ARL2BP: variants seen among roughly 807,000 people sequenced by gnomAD.
ARL2BP encodes the protein ADP-ribosylation factor-like protein 2-binding protein.
In ARL2BP, 19 loss-of-function variants were observed where a neutral mutation model predicts 24.2. The observed-to-expected ratio is 0.79, with a 90% CI of 0.55 to 1.15. ARL2BP has a LOEUF of 1.15. Among genes scored for constraint, ARL2BP ranks in the 50% most tolerant of loss-of-function variants. ARL2BP has a pLI of 0.00. For missense variants in ARL2BP, 160 were observed against 190.4 expected, an observed-to-expected ratio of 0.84 and a Z score of 0.94; for synonymous variants, 56 against 70.5, an observed-to-expected ratio of 0.79 and a Z score of 1.03.
Position 57,248,626 on chromosome 16 carries a change from C to A in ARL2BP, c.190C>A (p.Pro64Thr), listed in dbSNP as rs2075398122. Residue 64 changes from proline (P) to threonine (T), a missense_variant, in exon 3 of 6, where the codon CCT becomes ACT. By Grantham distance (38) the Pro-to-Thr change is conservative. Transcript: ENST00000219204. Reference sequence around the variant, plus strand: ...AGAAGAGAATAAACTCATCTACACACCTATTTTTAATGAATACGTAAGTAG... The same window carrying A: ...AGAAGAGAATAAACTCATCTACACAACTATTTTTAATGAATACGTAAGTAG... ...DTEENKLIYT[P>T]IFNEYISLVE... 6.3e-7 allele frequency: 1 copy of A among 1,583,348 alleles called. No homozygotes were observed. Among genetic ancestry groups the A allele is most frequent in the Non-Finnish European group, 8.6e-7 (1 of 1,162,596 alleles).
Position 57,252,310 on chromosome 16 carries a change from C to T in ARL2BP, c.*43C>T, listed in dbSNP as rs377480531. On this transcript the variant is annotated 3_prime_UTR_variant, in exon 6 of 6. Transcript: ENST00000219204. The stretch of plus-strand genomic sequence containing the variant: ...TGAATGGGATCATTCTGGATGTCAC[C>T]AGCCCAATAGGCTCAGCTCATGATG... 1.2e-6 allele frequency: 2 copies of T among 1,614,026 alleles called. No individual in the cohort carries two copies. The highest frequency in any genetic ancestry group is 1.1e-5 in the South Asian group (1 of 91,076).
At chr16:57,250,734 G>A (rs908808901) in intron 5 of ARL2BP, 53 of 535,388 alleles carry the variant, frequency 9.9e-5, no homozygotes, top group Admixed American at 4.3e-4. Flanking sequence ...GGACAAAACC[G>A]AAAAAGCAGG....
intron 1 of ARL2BP, chr16:57,245,787 C>G (rs2075388521): frequency 2.0e-6 from 1 of 504,832 alleles, no homozygotes; most frequent in Non-Finnish European, 3.5e-6. Flanking sequence ...TCGCCCGTGC[C>G]GGGTTCATGC....
chr16:57,247,546 C>T (rs1329411389), intron 2 of ARL2BP: 1 of 152,036 alleles, frequency 6.6e-6, no homozygotes, highest in African/African-American at 2.4e-5. Context: ...TTCCCTATTC[C>T]CTATCATTTA....
In ARL2BP at chr16:57,250,608, C is replaced by T. The variant is rs2075404449; in HGVS notation, c.390+101C>T. 3 of 913,474 alleles carry T rather than the reference C, an allele frequency of 3.3e-6. No homozygotes were observed. In the South Asian group the frequency reaches 4.3e-5, roughly 13 times the overall value. 56.6% of individuals were successfully genotyped at this position (913,474 alleles called of 1,614,324 possible). A position where few individuals can be genotyped will look rare whatever the true frequency, so the allele number is the denominator to read the frequency against. On this transcript the variant is annotated intron_variant, in intron 5 of 5. Transcript: ENST00000219204. ...CTCCCACGCTTCCCCCATCATTCTCCCTTCAAACTGGCCGATGAGGCATCA... is the reference window on the plus strand; with the variant it reads ...CTCCCACGCTTCCCCCATCATTCTCTCTTCAAACTGGCCGATGAGGCATCA...
rs2075386215 is a variant in ARL2BP at position 57,245,290 on chromosome 16, C to T, written c.-78C>T. 1.3e-6 allele frequency: 2 copies of T among 1,548,650 alleles called. No individual in the cohort carries two copies. Among genetic ancestry groups the T allele is most frequent in the South Asian group, 1.2e-5 (1 of 84,596 alleles). On this transcript the variant is annotated 5_prime_UTR_variant, in exon 1 of 6. Coordinates refer to ENST00000219204, the MANE Select transcript of ARL2BP (RefSeq NM_012106.4). ...CTGGCCGCGGCCTTGGCTGAGAGGC[C>T]TTAACCCCGCCGGGCGGCCGCGCCC...
Position 57,252,288 on chromosome 16 carries a change from A to T in ARL2BP, c.*21A>T, listed in dbSNP as rs1206404326. On this transcript the variant is annotated 3_prime_UTR_variant, in exon 6 of 6. Transcript: ENST00000219204. ...ACTAGGTCCTACCTCCAGCCAATGA[A>T]TGGGATCATTCTGGATGTCACCAGC... is the stretch of plus-strand genomic sequence containing the variant. The T allele has an allele frequency of 1.2e-6, 2 of 1,614,206 alleles. No individual in the cohort carries two copies. Among genetic ancestry groups the T allele is most frequent in the Non-Finnish European group, 1.7e-6 (2 of 1,180,030 alleles).
chr16:57,252,169 A>C lies in ARL2BP; in HGVS notation c.394A>C (p.Lys132Gln). ...KEMFLDYRAE[K>Q]EGRGLDLSSG... ...CTTTGGTTGTTTTCTCATATAGGAA[A>C]AAGAAGGCCGAGGACTGGACTTAAG... Residue 132 changes from lysine to glutamine, a missense_variant, in exon 6 of 6, where the codon AAA becomes CAA. Physicochemically the swap from Lys to Gln is moderately conservative, Grantham distance 53. Coordinates refer to ENST00000219204, the MANE Select transcript of ARL2BP (RefSeq NM_012106.4). The C allele has an allele frequency of 6.2e-7, 1 of 1,613,878 alleles. No individual in the cohort carries two copies. Among genetic ancestry groups the C allele is most frequent in the Non-Finnish European group, 8.5e-7 (1 of 1,179,946 alleles).
intron 1 of ARL2BP, 78 bp downstream of exon 1, chr16:57,245,483 A>C: frequency 6.4e-7 from 1 of 1,550,878 alleles, no homozygotes; most frequent in Non-Finnish European, 8.8e-7. Context: ...ACCCTATAAA[A>C]CAGGTGTCCT....
Position 57,248,666 on chromosome 16 carries a change from T to C in ARL2BP, c.207+23T>C, listed in dbSNP as rs762263722. The C allele has an allele frequency of 1.3e-5, 18 of 1,391,250 alleles. No individual in the cohort carries two copies. In the Admixed American group the frequency reaches 2.5e-4, roughly 20 times the overall value. The allele number at this position is 1,391,250 out of a possible 1,614,324, so 86.2% of individuals were successfully genotyped here. On this transcript the variant is annotated intron_variant, in intron 3 of 5. Transcript: ENST00000219204. ...TACGTAAGTAGATTTCTATGTCTCC[T>C]ACCAGGAGGTCAGAGTTTTTAAAAA...
intron 2 of ARL2BP, chr16:57,246,458 G>A: frequency 4.2e-6 from 1 of 238,342 alleles, no homozygotes; most frequent in South Asian, 1.0e-4. Flanking sequence ...TAGGGTAAGA[G>A]CAATTTCAAT....
Position 57,252,216 on chromosome 16 carries a change from A to C in ARL2BP, c.441A>C (p.Ser147=), listed in dbSNP as rs1410845603. ...LDLSSGLVVT[S]LCKSSSLPAS... is the part of the protein sequence containing the mutation. Reference sequence around the variant, plus strand: ...TAAGCAGTGGCTTAGTGGTGACTTCATTGTGCAAATCATCTTCTCTGCCAG... The same window carrying C: ...TAAGCAGTGGCTTAGTGGTGACTTCCTTGTGCAAATCATCTTCTCTGCCAG... The change falls in exon 6 of 6, where the codon TCA becomes TCC. Residue 147 remains serine (S), a synonymous_variant. Transcript: ENST00000219204. 6.2e-7 allele frequency: 1 copy of C among 1,614,142 alleles called. No homozygotes were observed. Among genetic ancestry groups the C allele is most frequent in the Non-Finnish European group, 8.5e-7 (1 of 1,180,030 alleles).
chr16:57,245,976 T>C (rs1204039456), intron 1 of ARL2BP, 104 bp from the exon 2 acceptor site: 1 of 1,127,886 alleles, frequency 8.9e-7, no homozygotes, highest in East Asian at 2.4e-5. Flanking sequence ...GGAAGTTCGT[T>C]TTGCTACTCT....
At chr16:57,245,729 C>T (rs749423629) in intron 1 of ARL2BP, 4 of 503,516 alleles carry the variant, frequency 7.9e-6, no homozygotes, top group South Asian at 5.3e-5. Context: ...CCCTCCCTGG[C>T]CCCCGCCTCC....
chr16:57,246,680 T>C (rs1745764826), intron 2 of ARL2BP, among the ~76,000 whole-genome samples: 1 of 152,068 alleles, frequency 6.6e-6, no homozygotes. Context: ...AGCGGGCGCC[T>C]GTAGTCCCAG....
rs2075413161 is a variant in ARL2BP at position 57,252,944 on chromosome 16, A to G, written c.*677A>G. ...AGTCTCTTTTAAGCATTATTTTTGA[A>G]AAAAAAAATATTTTTATAGATGAAT... On this transcript the variant is annotated 3_prime_UTR_variant, in exon 6 of 6. Coordinates refer to ENST00000219204, the MANE Select transcript of ARL2BP (RefSeq NM_012106.4). 1 of 152,524 alleles carries G rather than the reference A, an allele frequency of 6.6e-6. No individual in the cohort carries two copies. Among genetic ancestry groups the G allele is most frequent in the African/African-American group, 2.4e-5 (1 of 41,360 alleles). The allele number at this position is 152,524 out of a possible 1,614,324, so 9.4% of individuals were successfully genotyped here.
intron 1 of ARL2BP, 136 bp downstream of exon 1, chr16:57,245,541 G>A: frequency 8.8e-7 from 1 of 1,139,760 alleles, no homozygotes; most frequent in Non-Finnish European, 1.3e-6. Flanking sequence ...CCGCCAAGGC[G>A]CCGTCCCAGC....
intron 5 of ARL2BP, 165 bp from the exon 6 acceptor site, chr16:57,252,001 A>C: frequency 1.7e-6 from 1 of 598,056 alleles, no homozygotes; most frequent in Non-Finnish European, 3.0e-6. Flanking sequence ...AGACTAGGGC[A>C]GGCCAGTATT....
chr16:57,246,204 T>C (rs1168375774), intron 2 of ARL2BP, 63 bp downstream of exon 2: 2 of 1,484,884 alleles, frequency 1.3e-6, no homozygotes, highest in Non-Finnish European at 9.3e-7. Context: ...TGAAATCAAT[T>C]TGGAGAGTTA....
Sources: gnomAD v4.1 joint callset for allele counts (sites outside exome capture counted in the v4.1 genomes callset) on GRCh38, gnomAD v4.1.1 for gene constraint, MANE v1.5 for transcripts, NCBI Gene and HGNC (gene_info 2026-07-23, HGNC 2026-07-21) for gene names.